KIAA1217: variants seen among roughly 807,000 people sequenced by gnomAD.
KIAA1217 encodes KIAA1217.
KIAA1217 carries 88 observed loss-of-function variants against 163.9 expected under a neutral mutation model. That is an observed-to-expected ratio of 0.54 (90% CI 0.45 to 0.64). The LOEUF is 0.64. Among genes scored for constraint, KIAA1217 ranks in the 30% least tolerant of loss-of-function variants. The pLI is 0.00. For missense variants in KIAA1217, 2,372 were observed against 2,475.0 expected (o/e 0.96, Z 0.88); for synonymous variants, 903 against 923.1 (o/e 0.98, Z 0.39).
At chr10:24,207,733 C>T (rs12265888), upstream of KIAA1217, among the ~76,000 whole-genome samples, 76,700 of 152,028 alleles carry the variant, frequency 0.5, 19,852 homozygotes, top group African/African-American at 0.63. Context: ...CCCCTCCTGA[C>T]GTGAGTGTAA....
At chr10:24,150,166 C>A (rs532321923) in intron 2 of KIAA1217, among the ~76,000 whole-genome samples, 1 of 152,120 alleles carries the variant, frequency 6.6e-6, no homozygotes, top group East Asian at 1.9e-4. Context: ...TACAGGTGCA[C>A]GCCACCATGC....
At chr10:24,525,029 G>A (rs2071896947) in intron 13 of KIAA1217, among the ~76,000 whole-genome samples, 1 of 151,804 alleles carries the variant, frequency 6.6e-6, no homozygotes, top group Non-Finnish European at 1.5e-5. Context: ...TGAGACAGCA[G>A]TGTGCTGGTA....
chr10:23,750,566 CA>C (rs1839682000), intron 1 of KIAA1217, among the ~76,000 whole-genome samples: 1 of 152,152 alleles, frequency 6.6e-6, no homozygotes, highest in African/African-American at 2.4e-5. Flanking sequence ...ATTATTATTG[CA>C]TGTTGTATTT....
intron 1 of KIAA1217, among the ~76,000 whole-genome samples, chr10:23,886,076 G>T (rs1044385898): frequency 6.6e-6 from 1 of 151,986 alleles, no homozygotes; most frequent in East Asian, 2.0e-4. Flanking sequence ...GATTGTGTGG[G>T]TGATGCCTTC....
chr10:23,929,491 T>G (rs1377465971), intron 1 of KIAA1217, among the ~76,000 whole-genome samples: 1 of 152,050 alleles, frequency 6.6e-6, no homozygotes, highest in Non-Finnish European at 1.5e-5. Flanking sequence ...GAGTCCCCAG[T>G]GTTTATTTTC....
intron 5 of KIAA1217, among the ~76,000 whole-genome samples, chr10:24,447,249 A>G (rs1050001672): frequency 5.3e-5 from 8 of 150,802 alleles, no homozygotes; most frequent in African/African-American, 2.0e-4. Flanking sequence ...TTATTTATTT[A>G]TCTATTTATT....
intron 2 of KIAA1217, among the ~76,000 whole-genome samples, chr10:24,144,783 G>GCTTCTTCCTTAAGTCCCCCTAGCCTGC (rs2064232985): frequency 1.3e-5 from 2 of 152,068 alleles, no homozygotes; most frequent in Admixed American, 6.6e-5. Flanking sequence ...TTCTACCCTG[G>GCTTCTTCCTTAAGTCCCCCTAGCCTGC]CTTCTTCCTT....
intron 2 of KIAA1217, among the ~76,000 whole-genome samples, chr10:24,203,602 AGAG>A (rs906146788): frequency 8.3e-5 from 12 of 145,054 alleles, no homozygotes; most frequent in African/African-American, 3.1e-4. Context: ...GAGAAATGGC[AGAG>A]GAGAAGCTCA....
chr10:24,340,122 G>A (rs1220274480), intron 2 of KIAA1217, among the ~76,000 whole-genome samples: 1 of 152,224 alleles, frequency 6.6e-6, no homozygotes, highest in African/African-American at 2.4e-5. Context: ...TGGCTAGACT[G>A]ACAGCCCTGT....
rs539365694 is a variant in KIAA1217 at position 23,960,243 on chromosome 10, A to T, written c.-320-46982A>T. 3.3e-5 allele frequency among the ~76,000 whole-genome samples: 5 copies of T among 151,246 alleles called. No homozygotes were observed. The East Asian group carries it at 7.9e-4, about 24-fold the overall frequency. ...ATTCTTTTATAGCTTCCTGCAGGGGAGAAGGGAAGGAGGCAAGTCAGAAAC... is the reference window on the plus strand; with the variant it reads ...ATTCTTTTATAGCTTCCTGCAGGGGTGAAGGGAAGGAGGCAAGTCAGAAAC... On this transcript the variant is annotated intron_variant, in intron 1 of 18. Transcript: ENST00000376462.
intron 1 of KIAA1217, among the ~76,000 whole-genome samples, chr10:23,981,548 A>T (rs779328056): frequency 1.3e-5 from 2 of 152,228 alleles, no homozygotes; most frequent in Admixed American, 6.5e-5. Flanking sequence ...CAGAGCAGGT[A>T]ATAATAAGCT....
chr10:24,383,655 A>G (rs1564582555), intron 3 of KIAA1217, among the ~76,000 whole-genome samples: 1 of 152,088 alleles, frequency 6.6e-6, no homozygotes, highest in Non-Finnish European at 1.5e-5. Context: ...ATTTTTCACT[A>G]CTCCTGGATA....
rs71506827 is a variant in KIAA1217, at chr10:24,203,547, TC to T, written c.-170-16074del. On this transcript the variant is annotated intron_variant, in intron 2 of 18. Transcript: ENST00000376462. ...TTGATTGGTTCCCCTTCCTTCTTGC[TC>T]CCCCTACCCCCCAACCCCCACCTCC... 4.7e-5 allele frequency among the ~76,000 whole-genome samples: 7 copies of T among 149,856 alleles called. No individual in the cohort carries two copies. The East Asian group carries it at 7.9e-4, about 17-fold the overall frequency.
intron 2 of KIAA1217, among the ~76,000 whole-genome samples, chr10:24,202,913 G>C (rs1318353014): frequency 6.6e-6 from 1 of 152,200 alleles, no homozygotes; most frequent in African/African-American, 2.4e-5. Context: ...TACCGGGCCA[G>C]GGGCAGTGGC....
intron 1 of KIAA1217, among the ~76,000 whole-genome samples, chr10:23,940,545 AATC>A (rs1210069809): frequency 1.1e-4 from 17 of 152,144 alleles, no homozygotes; most frequent in African/African-American, 4.1e-4. Flanking sequence ...ACAAGTAGAG[AATC>A]ATCAAGTATG....
intron 1 of KIAA1217, among the ~76,000 whole-genome samples, chr10:23,985,871 C>T (rs550091478): frequency 2.0e-5 from 3 of 152,238 alleles, no homozygotes; most frequent in Middle Eastern, 3.4e-3. Context: ...GTAGGCTGCC[C>T]CTCTTGTATT....
At chr10:23,706,028 AT>A (rs1289427798) in intron 1 of KIAA1217, among the ~76,000 whole-genome samples, 1 of 152,090 alleles carries the variant, frequency 6.6e-6, no homozygotes, top group Non-Finnish European at 1.5e-5. Context: ...TGTAAATGGA[AT>A]TGTTTGCTTA....
At chr10:24,138,466 A>G (rs1385832807) in intron 2 of KIAA1217, among the ~76,000 whole-genome samples, 2 of 152,034 alleles carry the variant, frequency 1.3e-5, no homozygotes, top group Non-Finnish European at 1.5e-5. Flanking sequence ...TTTTTCACAT[A>G]CTTGCAATTA....
rs540416710 is a variant in KIAA1217, at chr10:24,093,140, C to T, written c.-171+85766C>T. Reference sequence around the variant, plus strand: ...TCACAAGTATCTGGGACTACAGGCACGTGTCACCATGCCCAGTTATTTTTA... The same window carrying T: ...TCACAAGTATCTGGGACTACAGGCATGTGTCACCATGCCCAGTTATTTTTA... On this transcript the variant is annotated intron_variant, in intron 2 of 18. Coordinates refer to the KIAA1217 transcript ENST00000376462. Among the ~76,000 whole-genome samples the T allele has an allele frequency of 6.6e-5, 10 of 151,378 alleles. 1 individual carries two copies. The South Asian group carries it at 8.4e-4, about 13-fold the overall frequency.
Sources: gnomAD v4.1 joint callset for allele counts (sites outside exome capture counted in the v4.1 genomes callset) on GRCh38, gnomAD v4.1.1 for gene constraint, MANE v1.5 for transcripts, NCBI Gene and HGNC (gene_info 2026-07-23, HGNC 2026-07-21) for gene names.